GSDMB: variants seen among roughly 807,000 people sequenced by gnomAD.
The protein encoded by GSDMB is gasdermin B, also known as gasdermin-B.
GSDMB carries 32 observed loss-of-function variants against 42.9 expected under a neutral mutation model. That is an observed-to-expected ratio of 0.75 (90% CI 0.56 to 1.00). The LOEUF is 1.00. Ranked by LOEUF, GSDMB falls within the 50% of genes least tolerant of loss-of-function variation. The probability of loss-of-function intolerance (pLI) is 0.00; values close to 1 mark genes in which losing one functional copy is unlikely to be tolerated. For synonymous variants in GSDMB, 175 were observed against 193.7 expected (o/e 0.90, Z 0.80); for missense variants, 468 against 498.5 (o/e 0.94, Z 0.58).
At chr17:39,917,923 G>C (rs2063745884) in intron 1 of GSDMB, 1 of 153,634 alleles carries the variant, frequency 6.5e-6, no homozygotes, top group East Asian at 1.9e-4. Context: ...TCAGTAAAGA[G>C]GGCTAAACAT....
In GSDMB at chr17:39,909,941, G is replaced by A. The variant is rs771805987; in HGVS notation, c.408-17C>T. 2 of 1,604,916 alleles carry A rather than the reference G, an allele frequency of 1.2e-6. No individual in the cohort carries two copies. Among genetic ancestry groups the A allele is most frequent in the East Asian group, 2.2e-5 (1 of 44,820 alleles). On this transcript the variant is annotated splice_polypyrimidine_tract_variant and intron_variant, in intron 3 of 10. Coordinates refer to ENST00000418519, the MANE Select transcript of GSDMB (RefSeq NM_001165958.2). ...TTCAGCTTCCTGGAGAGAGTGGAGAGAGATGAGAGTTAAGGATCTCAGGGC... is the reference window on the plus strand; with the variant it reads ...TTCAGCTTCCTGGAGAGAGTGGAGAAAGATGAGAGTTAAGGATCTCAGGGC...
At position 39,913,405 on chromosome 17, in the gene GSDMB, T is replaced by C. The variant is rs566269681; in HGVS notation, c.236-908A>G. On this transcript the variant is annotated intron_variant, in intron 2 of 10. Transcript: ENST00000418519. ...TGGGAGGCTGAGGTGGGTAGATCAC[T>C]TGAGGTCAGGAGTTGGAGACCAACC... is the stretch of plus-strand genomic sequence containing the variant. Among the ~76,000 whole-genome samples, 5 of 152,168 alleles carry C rather than the reference T, an allele frequency of 3.3e-5. No homozygotes were observed. The South Asian group carries it at 1.0e-3, about 32-fold the overall frequency.
intron 2 of GSDMB, among the ~76,000 whole-genome samples, chr17:39,914,265 G>T (rs1306226558): frequency 1.3e-5 from 2 of 152,026 alleles, no homozygotes; most frequent in African/African-American, 4.8e-5. Context: ...CTAACCATGA[G>T]AAAAAACATC....
At position 39,912,510 on chromosome 17, in the gene GSDMB, T is replaced by G. The variant is rs1441630364; in HGVS notation, c.236-13A>C. The G allele has an allele frequency of 6.2e-7, 1 of 1,604,710 alleles. No homozygotes were observed. The highest frequency in any genetic ancestry group is 8.5e-7 in the Non-Finnish European group (1 of 1,171,544). On this transcript the variant is annotated splice_polypyrimidine_tract_variant and intron_variant, in intron 2 of 10. Coordinates refer to ENST00000418519, the MANE Select transcript of GSDMB (RefSeq NM_001165958.2). ...TCAGCCTTTTGACCTGGAAAGAGAA[T>G]GATAAAGGTCACTCTGGAGCAGACC...
chr17:39,907,223 C>T, intron 6 of GSDMB: 1 of 1,338,708 alleles, frequency 7.5e-7, no homozygotes, highest in Non-Finnish European at 9.6e-7. Context: ...GAGGAAGAAG[C>T]CAAGGCCCAG....
chr17:39,914,236 C>T (rs1224136649), intron 2 of GSDMB, among the ~76,000 whole-genome samples: 1 of 152,080 alleles, frequency 6.6e-6, no homozygotes, highest in Non-Finnish European at 1.5e-5. Flanking sequence ...GTCTTCCTCC[C>T]CGAGACCCAG....
In GSDMB at chr17:39,909,843, C is replaced by T; in HGVS notation, c.489G>A (p.Glu163=). Residue 163 remains glutamate, a synonymous_variant, in exon 4 of 11, where the codon GAG becomes GAA. Coordinates refer to ENST00000418519, the MANE Select transcript of GSDMB (RefSeq NM_001165958.2). Reference sequence around the variant, plus strand: ...TTTTCAGGGTTTCCTCCTTTACCGTCTCCAGAGTTTCTGTCACCAGATACA... The same window carrying T: ...TTTTCAGGGTTTCCTCCTTTACCGTTTCCAGAGTTTCTGTCACCAGATACA... The part of the protein sequence containing the change: ...ENLYLVTETL[E]TVKEETLKSD... The T allele has an allele frequency of 6.2e-7, 1 of 1,613,970 alleles. No individual in the cohort carries two copies. Among genetic ancestry groups the T allele is most frequent in the Non-Finnish European group, 8.5e-7 (1 of 1,179,812 alleles).
At chr17:39,916,458 A>AT (rs1391080385) in intron 2 of GSDMB, among the ~76,000 whole-genome samples, 285 of 141,768 alleles carry the variant, frequency 2.0e-3, no homozygotes, top group African/African-American at 5.9e-3. Flanking sequence ...AATTTTTTGT[A>AT]TTTTTTTTTT....
At chr17:39,911,962 A>C (rs887525115) in intron 3 of GSDMB, among the ~76,000 whole-genome samples, 42 of 148,432 alleles carry the variant, frequency 2.8e-4, no homozygotes, top group Non-Finnish European at 1.9e-4. Flanking sequence ...AAAACCAAAC[A>C]AAAAAAAAAC....
At chr17:39,914,101 C>T (rs1209838833) in intron 2 of GSDMB, among the ~76,000 whole-genome samples, 15 of 152,178 alleles carry the variant, frequency 9.9e-5, no homozygotes, top group Admixed American at 9.8e-4. Context: ...AGAGTAACTT[C>T]TGGTAGAGAA....
chr17:39,909,687 G>T, intron 4 of GSDMB, 69 bp downstream of exon 4: 1 of 1,358,444 alleles, frequency 7.4e-7, no homozygotes, highest in Non-Finnish European at 1.0e-6. Context: ...TCTAAGGCTG[G>T]CATCGCCTTG....
At position 39,917,136 on chromosome 17, in the gene GSDMB, T is replaced by C. The variant is rs1411495460; in HGVS notation, c.181A>G (p.Ile61Val). 1 of 1,614,174 alleles carries C rather than the reference T, an allele frequency of 6.2e-7. No individual in the cohort carries two copies. Among genetic ancestry groups the C allele is most frequent in the Admixed American group, 1.7e-5 (1 of 60,016 alleles). Reference protein sequence around the residue: ...HYTTGLTLMDILDTDGDKWLD... With the variant: ...HYTTGLTLMDVLDTDGDKWLD... ...CACTTGTCCCCATCTGTGTCCAGAA[T>C]GTCCATCAGGGTGAGGCCTGTTGTG... Residue 61 changes from isoleucine (I) to valine (V), a missense_variant, in exon 2 of 11, where the codon ATT (isoleucine) becomes GTT (valine). Coordinates refer to ENST00000418519, the MANE Select transcript of GSDMB (RefSeq NM_001165958.2).
At chr17:39,907,153 T>C in intron 6 of GSDMB, 166 bp from the exon 7 acceptor site, 1 of 1,450,878 alleles carries the variant, frequency 6.9e-7, no homozygotes, top group Admixed American at 2.4e-5. Flanking sequence ...AAGCACTGTA[T>C]TTGCAGACCC....
At chr17:39,905,018 T>C (rs2063479199) in intron 10 of GSDMB, 54 bp from the exon 11 acceptor site, 4 of 1,504,642 alleles carry the variant, frequency 2.7e-6, no homozygotes, top group Non-Finnish European at 3.7e-6. Flanking sequence ...ATACCAGAAA[T>C]GGCAAATATT....
In GSDMB at chr17:39,904,950, C is replaced by T; in HGVS notation, c.1113G>A (p.Met371Ile). 6.2e-7 allele frequency: 1 copy of T among 1,613,622 alleles called. No individual in the cohort carries two copies. The highest frequency in any genetic ancestry group is 1.3e-5 in the African/African-American group (1 of 75,016). ...TGGCCAGCTCATCCCAGTTCTGCTC[C>T]ATGACAGATTTCACCTGGAAGGAAA... ...PLLKDQVKSV[M>I]EQNWDELASS... Residue 371 changes from methionine to isoleucine, a missense_variant, in exon 11 of 11, where the codon ATG becomes ATA. Transcript: ENST00000418519.
At chr17:39,909,144 T>C (rs1370011967) in intron 4 of GSDMB, 102 bp from the exon 5 acceptor site, 2 of 692,872 alleles carry the variant, frequency 2.9e-6, no homozygotes, top group East Asian at 2.9e-5. Flanking sequence ...TGTATCCCCA[T>C]TTTATAGACG....
intron 3 of GSDMB, among the ~76,000 whole-genome samples, chr17:39,911,251 A>G (rs1429340619): frequency 6.9e-6 from 1 of 144,840 alleles, no homozygotes; most frequent in Non-Finnish European, 1.5e-5. Context: ...TGAATCCAGG[A>G]GGCAGAGGTT....
At chr17:39,915,126 C>T (rs2063686240) in intron 2 of GSDMB, among the ~76,000 whole-genome samples, 1 of 151,976 alleles carries the variant, frequency 6.6e-6, no homozygotes, top group South Asian at 2.1e-4. Flanking sequence ...CATGCGCCAT[C>T]ATGCCCAGCT....
chr17:39,905,805 C>A, intron 9 of GSDMB, 42 bp downstream of exon 9: 1 of 1,605,874 alleles, frequency 6.2e-7, no homozygotes, highest in South Asian at 1.1e-5. Flanking sequence ...CCTCTCTGCT[C>A]ACACTTCCTC....
Sources: allele counts gnomAD v4.1 joint callset (sites outside exome capture counted in the v4.1 genomes callset), GRCh38; gene constraint gnomAD v4.1.1; transcripts MANE v1.5; gene names NCBI Gene and HGNC (gene_info 2026-07-23, HGNC 2026-07-21).